Variants in NOTCH2 observed in about 807,000 individuals in gnomAD.
The protein encoded by NOTCH2 is neurogenic locus notch homolog protein 2.
A neutral mutation model predicts 235.8 loss-of-function variants in NOTCH2; 29 were observed. The observed-to-expected ratio is 0.12, with a 90% CI of 0.09 to 0.17. The LOEUF is 0.17. Among genes scored for constraint, NOTCH2 ranks in the 10% least tolerant of loss-of-function variants. NOTCH2 has a pLI of 1.00. For synonymous variants in NOTCH2, 1,086 were observed against 1,141.5 expected, an observed-to-expected ratio of 0.95 and a Z score of 0.98; for missense variants, 2,285 against 3,150.2, an observed-to-expected ratio of 0.73 and a Z score of 6.57.
rs782727812 is a variant in NOTCH2, at chr1:119,966,425, A to G, written c.1518T>C (p.Asn506=). ...NECQSNPCVN[N]GQCVDKVNRF... ...GATTGACTTTATCCACACACTGCCCATTGTTCACACAAGGGTTGCTCTGAC... is the reference window on the plus strand; with the variant it reads ...GATTGACTTTATCCACACACTGCCCGTTGTTCACACAAGGGTTGCTCTGAC... Residue 506 remains asparagine, a synonymous_variant, in exon 9 of 34, where the codon AAT becomes AAC. Coordinates refer to ENST00000256646, the MANE Select transcript of NOTCH2 (RefSeq NM_024408.4). 10 of 1,614,090 alleles carry G rather than the reference A, an allele frequency of 6.2e-6. No individual in the cohort carries two copies. The highest frequency in any genetic ancestry group is 8.5e-6 in the Non-Finnish European group (10 of 1,179,952).
chr1:119,923,701 C>T lies in NOTCH2; in HGVS notation c.4795G>A (p.Ala1599Thr). 6.2e-7 allele frequency: 1 copy of T among 1,614,186 alleles called. No individual in the cohort carries two copies. Among genetic ancestry groups the T allele is most frequent in the Admixed American group, 1.7e-5 (1 of 60,028 alleles). The stretch of plus-strand genomic sequence containing the variant: ...CGTGTCATCCTCTGTTTCTTCATAG[C>T]AGCTGACTTCTCACCATAATAGGGG... ...VYPYYGEKSA[A>T]MKKQRMTRRS... The change falls in exon 26 of 34, where the codon GCT becomes ACT. Residue 1599 changes from alanine (A) to threonine (T), a missense_variant. This residue lies in a region of NOTCH2 where 1,173 missense variants were observed against 1,515.3 expected (regional missense o/e 0.77). Coordinates refer to ENST00000256646, the MANE Select transcript of NOTCH2 (RefSeq NM_024408.4).
chr1:119,977,183 C>A (rs895543984), intron 5 of NOTCH2, among the ~76,000 whole-genome samples: 2 of 152,086 alleles, frequency 1.3e-5, no homozygotes, highest in Non-Finnish European at 2.9e-5. Flanking sequence ...GCTTAAGGTT[C>A]TCTTATTTAA....
intron 5 of NOTCH2, among the ~76,000 whole-genome samples, chr1:119,984,322 T>G (rs1449939657): frequency 1.3e-5 from 2 of 152,198 alleles, no homozygotes. Context: ...GATTTGGAGT[T>G]CAACAAGCCT....
intron 1 of NOTCH2, among the ~76,000 whole-genome samples, chr1:120,065,568 C>T (rs1553216943): frequency 6.6e-6 from 1 of 152,178 alleles, no homozygotes; most frequent in African/African-American, 2.4e-5. Context: ...GCTCTGTGAC[C>T]ATGAACAATG....
At position 119,914,890 on chromosome 1, in the gene NOTCH2, C is replaced by CA. The variant is rs1205847858; in HGVS notation, c.*415dup. ...GGAGGAGGAGATGCGTAGGTCAATT[C>CA]AGGCAGAATTCCAGGGCATAATTCC... is the stretch of plus-strand genomic sequence containing the variant. On this transcript the variant is annotated 3_prime_UTR_variant, in exon 34 of 34. Coordinates refer to ENST00000256646, the MANE Select transcript of NOTCH2 (RefSeq NM_024408.4). The CA allele has an allele frequency of 1.1e-4, 40 of 360,948 alleles. No homozygotes were observed. Among genetic ancestry groups the CA allele is most frequent in the African/African-American group, 8.1e-4 (40 of 49,500 alleles). The allele number at this position is 360,948 out of a possible 1,614,324, so 22.4% of individuals were successfully genotyped here. A position where few individuals can be genotyped will look rare whatever the true frequency, so the allele number is the denominator to read the frequency against.
chr1:119,932,007 TAC>T (rs1649679594), intron 22 of NOTCH2, among the ~76,000 whole-genome samples: 1 of 146,938 alleles, frequency 6.8e-6, no homozygotes, highest in African/African-American at 2.5e-5. Context: ...TATGTATATA[TAC>T]ATATATATAT....
At position 120,002,490 on chromosome 1, in the gene NOTCH2, T is replaced by C. The variant is rs1421908778; in HGVS notation, c.415+2839A>G. ...CCAATCCAGGCGGAACTACAAATGG[T>C]CCCACCTGGATGAATGAAGGTTTGG... On this transcript the variant is annotated intron_variant, in intron 3 of 33. Coordinates refer to ENST00000256646, the MANE Select transcript of NOTCH2 (RefSeq NM_024408.4). Among the ~76,000 whole-genome samples the C allele has an allele frequency of 4.0e-5, 6 of 151,576 alleles. No homozygotes were observed. The South Asian group carries it at 1.0e-3, about 26-fold the overall frequency.
chr1:119,913,933 A>C lies in NOTCH2; in HGVS notation c.*1373T>G, dbSNP rs1389369246. 4.3e-6 allele frequency: 1 copy of C among 232,990 alleles called. No individual in the cohort carries two copies. Among genetic ancestry groups the C allele is most frequent in the Non-Finnish European group, 8.5e-6 (1 of 117,950 alleles). 14.4% of individuals were successfully genotyped at this position (232,990 alleles called of 1,614,324 possible). ...AACTTTCCAATTCCTGCACTTGAACATATAAAGTCCATGTCTTCAGTGAGA... is the reference window on the plus strand; with the variant it reads ...AACTTTCCAATTCCTGCACTTGAACCTATAAAGTCCATGTCTTCAGTGAGA... On this transcript the variant is annotated 3_prime_UTR_variant, in exon 34 of 34. Coordinates refer to ENST00000256646, the MANE Select transcript of NOTCH2 (RefSeq NM_024408.4).
chr1:120,033,390 G>A (rs1448630889), intron 1 of NOTCH2, among the ~76,000 whole-genome samples: 1 of 90,342 alleles, frequency 1.1e-5, no homozygotes, highest in Non-Finnish European at 2.0e-5. Context: ...CAGCCTGAGT[G>A]ACAGAGAGAG....
rs141521653 is a variant in NOTCH2 at position 119,962,305 on chromosome 1, C to T, written c.1915+1269G>A. Among the ~76,000 whole-genome samples, 263 of 152,312 alleles carry T rather than the reference C, an allele frequency of 1.7e-3. 3 individuals are homozygous for T. Among genetic ancestry groups the T allele is most frequent in the South Asian group, 0.011 (55 of 4,826 alleles). On this transcript the variant is annotated intron_variant, in intron 11 of 33. Transcript: ENST00000256646. ...AATGATAGCAAAGTCTAAAGCCCCT[C>T]GATTCTAAAGACATCCAGTCAATTG...
intron 1 of NOTCH2, among the ~76,000 whole-genome samples, chr1:120,041,934 C>A (rs1654588338): frequency 1.9e-4 from 25 of 131,306 alleles, no homozygotes; most frequent in South Asian, 5.2e-4. Flanking sequence ...AGGAAGGAAG[C>A]AAAAGAAAGA....
intron 1 of NOTCH2, among the ~76,000 whole-genome samples, chr1:120,037,098 G>A (rs587661244): frequency 8.5e-5 from 13 of 152,168 alleles, no homozygotes; most frequent in South Asian, 6.2e-4. Context: ...AGCCTCTGTC[G>A]TCTATCTCAC....
chr1:120,000,935 TC>T (rs1652725412), intron 3 of NOTCH2, among the ~76,000 whole-genome samples: 2 of 151,876 alleles, frequency 1.3e-5, no homozygotes, highest in South Asian at 4.2e-4. Context: ...GAATTGTATC[TC>T]CCAGAATTCC....
In NOTCH2 at chr1:119,913,867, A is replaced by G. The variant is rs998109671; in HGVS notation, c.*1439T>C. The G allele has an allele frequency of 4.3e-6, 1 of 233,028 alleles. No homozygotes were observed. The allele number at this position is 233,028 out of a possible 1,614,324, so 14.4% of individuals were successfully genotyped here. Reference sequence around the variant, plus strand: ...CTGCTATATAGTTCCTCCTTTTCCAACCTTCTTATAGGGCTGTTTTGGATC... The same window carrying G: ...CTGCTATATAGTTCCTCCTTTTCCAGCCTTCTTATAGGGCTGTTTTGGATC... On this transcript the variant is annotated 3_prime_UTR_variant, in exon 34 of 34. Coordinates refer to ENST00000256646, the MANE Select transcript of NOTCH2 (RefSeq NM_024408.4).
intron 15 of NOTCH2, chr1:119,950,450 T>C: frequency 1.7e-6 from 1 of 589,518 alleles, no homozygotes; most frequent in Non-Finnish European, 3.2e-6. Flanking sequence ...AACCATCATC[T>C]ATGTGCCTGG....
intron 5 of NOTCH2, among the ~76,000 whole-genome samples, chr1:119,977,857 A>AAT (rs1410818951): frequency 6.6e-6 from 1 of 152,126 alleles, no homozygotes; most frequent in Non-Finnish European, 1.5e-5. Context: ...GTTTATCTAA[A>AAT]ATATATATAT....
At chr1:119,942,965 C>T (rs587604947) in intron 17 of NOTCH2, among the ~76,000 whole-genome samples, 3 of 151,596 alleles carry the variant, frequency 2.0e-5, no homozygotes, top group Admixed American at 6.6e-5. Context: ...CTCCGCCTCC[C>T]GGGTTCAAGA....
chr1:119,926,503 G>C lies in NOTCH2; in HGVS notation c.4001C>G (p.Pro1334Arg), dbSNP rs772588398. The C allele has an allele frequency of 6.9e-6, 11 of 1,599,046 alleles. No individual in the cohort carries two copies. In the African/African-American group the frequency reaches 1.3e-4, roughly 19 times the overall value. ...NMPDGFICRCPPGFSGARCQS... is the reference protein window; with the variant it reads ...NMPDGFICRCRPGFSGARCQS... ...GATGAGCAACAGGGCACTTACCGGG[G>C]GACAACGGCAAATGAAACCATCAGG... The change falls in exon 24 of 34, where the codon CCC (proline) becomes CGC (arginine). Residue 1334 changes from proline to arginine, a missense_variant. Transcript: ENST00000256646.
At position 119,923,761 on chromosome 1, in the gene NOTCH2, T is replaced by C. The variant is rs370059516; in HGVS notation, c.4735A>G (p.Ile1579Val). The change falls in exon 26 of 34, where the codon ATT (isoleucine) becomes GTT (valine). Residue 1579 changes from isoleucine (I) to valine (V), a missense_variant. By Grantham distance (29) the Ile-to-Val change is conservative (BLOSUM62 3). Around this residue, in one of 6 missense-constraint regions of NOTCH2, gnomAD observed 1,173 missense variants for 1,515.3 expected, o/e 0.77. Transcript: ENST00000256646. ...AGTTCCCCCTGGGAGTCCCGCTTAA[T>C]GCGCAGGTTGGTGTGGAGCAGGGTA... Reference protein sequence around the residue: ...LGTLLHTNLRIKRDSQGELMV... With the variant: ...LGTLLHTNLRVKRDSQGELMV... 7 of 1,614,032 alleles carry C rather than the reference T, an allele frequency of 4.3e-6. No individual in the cohort carries two copies. In the African/African-American group the frequency reaches 6.7e-5, roughly 15 times the overall value.
Sources: allele counts gnomAD v4.1 joint callset (sites outside exome capture counted in the v4.1 genomes callset), GRCh38; gene constraint gnomAD v4.1.1; regional missense constraint gnomAD v4.1.1; transcripts MANE v1.5; gene names NCBI Gene and HGNC (gene_info 2026-07-23, HGNC 2026-07-21).